PRELID2: variants seen among roughly 807,000 people sequenced by gnomAD.
PRELID2 encodes PRELI domain-containing protein 2.
PRELID2 carries 25 observed loss-of-function variants against 28.4 expected under a neutral mutation model. That is an observed-to-expected ratio of 0.88 (90% CI 0.64 to 1.23). PRELID2 has a LOEUF of 1.23. PRELID2 is among the 50% of genes most tolerant of loss of function. The pLI, the probability that PRELID2 is intolerant of heterozygous loss-of-function variation, is 0.00. For missense variants in PRELID2, 201 were observed against 214.4 expected, an observed-to-expected ratio of 0.94 and a Z score of 0.39; for synonymous variants, 76 against 71.6, an observed-to-expected ratio of 1.06 and a Z score of -0.31.
chr5:145,733,376 G>A (rs191379413), intron 1 of PRELID2, among the ~76,000 whole-genome samples: 361 of 152,232 alleles, frequency 2.4e-3, no homozygotes, highest in Admixed American at 7.2e-3. Context: ...GATGTGGGTT[G>A]GATTAAATAA....
intron 1 of PRELID2, among the ~76,000 whole-genome samples, chr5:145,580,719 G>A (rs1052706214): frequency 1.4e-4 from 22 of 152,002 alleles, no homozygotes; most frequent in African/African-American, 4.6e-4. Flanking sequence ...TGAATATCCT[G>A]AGAACCCAGG....
intron 1 of PRELID2, among the ~76,000 whole-genome samples, chr5:145,522,828 A>G (rs13168816): frequency 6.6e-6 from 1 of 151,740 alleles, no homozygotes; most frequent in African/African-American, 2.4e-5. Context: ...GGAGTAGGAG[A>G]AGAAGAAGGA....
At chr5:145,775,915 G>C (rs1004518801) in intron 5 of PRELID2, among the ~76,000 whole-genome samples, 1 of 151,708 alleles carries the variant, frequency 6.6e-6, no homozygotes, top group East Asian at 1.9e-4. Context: ...AAATTAAAAA[G>C]AGTAATCAGA....
At chr5:145,631,872 A>C (rs1050858106) in intron 1 of PRELID2, among the ~76,000 whole-genome samples, 2 of 152,198 alleles carry the variant, frequency 1.3e-5, no homozygotes, top group African/African-American at 4.8e-5. Context: ...TTTCCTCTAA[A>C]ATACATAAGA....
intron 5 of PRELID2, 29 bp from the exon 6 acceptor site, chr5:145,765,029 T>A (rs1226135524): frequency 1.3e-6 from 2 of 1,489,900 alleles, no homozygotes; most frequent in Non-Finnish European, 1.8e-6. Context: ...AAAATTAAAA[T>A]GCCCTATTTC....
chr5:145,456,320 C>T, the PRELID2 span, among the ~76,000 whole-genome samples: 12 of 152,308 alleles, frequency 7.9e-5, no homozygotes, highest in African/African-American at 2.4e-4. Flanking sequence ...AAGATGACCA[C>T]TGGTCTGCAG....
chr5:145,652,233 C>T (rs193184883), intron 1 of PRELID2, among the ~76,000 whole-genome samples: 3 of 152,274 alleles, frequency 2.0e-5, no homozygotes, highest in Admixed American at 2.0e-4. Context: ...AACAAAGCCT[C>T]CAAGAAATAT....
chr5:145,351,502 T>G, the PRELID2 span, among the ~76,000 whole-genome samples: 1 of 152,262 alleles, frequency 6.6e-6, no homozygotes, highest in South Asian at 2.1e-4. Flanking sequence ...TACCTCCCAC[T>G]GGGTCCCTCC....
intron 3 of PRELID2, chr5:145,819,720 T>C (rs1356582975): frequency 1.9e-5 from 11 of 584,764 alleles, no homozygotes; most frequent in Non-Finnish European, 3.0e-5. Flanking sequence ...ACAATATCTC[T>C]ATGTCCATTA....
intron 1 of PRELID2, among the ~76,000 whole-genome samples, chr5:145,631,970 T>C (rs1561525839): frequency 6.6e-6 from 1 of 152,194 alleles, no homozygotes; most frequent in East Asian, 1.9e-4. Context: ...AATCTGGCTC[T>C]AAATATTTTC....
the PRELID2 span, among the ~76,000 whole-genome samples, chr5:145,232,067 AC>A: frequency 6.6e-6 from 1 of 151,998 alleles, no homozygotes; most frequent in Non-Finnish European, 1.5e-5. Context: ...ACACATTGAA[AC>A]TTTTAGGACA....
chr5:145,765,888 T>C (rs904437079), intron 5 of PRELID2, among the ~76,000 whole-genome samples: 1 of 152,024 alleles, frequency 6.6e-6, no homozygotes, highest in Non-Finnish European at 1.5e-5. Flanking sequence ...TTAAATAATT[T>C]CCCCGAAGTT....
chr5:145,448,631 T>A, the PRELID2 span, among the ~76,000 whole-genome samples: 15 of 152,278 alleles, frequency 9.9e-5, no homozygotes, highest in African/African-American at 3.6e-4. Flanking sequence ...CAAGAAGAGC[T>A]AACTATCTTA....
the PRELID2 span, among the ~76,000 whole-genome samples, chr5:145,288,723 T>C: frequency 6.6e-6 from 1 of 152,084 alleles, no homozygotes; most frequent in Non-Finnish European, 1.5e-5. Context: ...AAGTATAAAA[T>C]ATTCATGTGC....
chr5:145,243,314 A>C, the PRELID2 span, among the ~76,000 whole-genome samples: 1 of 152,056 alleles, frequency 6.6e-6, no homozygotes, highest in African/African-American at 2.4e-5. Context: ...AACAGATTTC[A>C]CCCCAGAAGA....
At position 145,648,920 on chromosome 5, in the gene PRELID2, T is replaced by C. The variant is rs571347332; in HGVS notation, n.70+116011A>G. ...TTAACAATGGTTCAATTTCTGATTT[T>C]TCCACTTTATGATGCTGTGAGAGTG... is the stretch of plus-strand genomic sequence containing the variant. On this transcript the variant is annotated intron_variant and non_coding_transcript_variant, in intron 1 of 2. Transcript: ENST00000510259. Among the ~76,000 whole-genome samples, 5 of 152,132 alleles carry C rather than the reference T, an allele frequency of 3.3e-5. No individual in the cohort carries two copies. In the South Asian group the frequency reaches 1.0e-3, roughly 31 times the overall value.
chr5:145,765,552 T>A (rs1041103365), intron 5 of PRELID2, among the ~76,000 whole-genome samples: 1 of 152,144 alleles, frequency 6.6e-6, no homozygotes, highest in Non-Finnish European at 1.5e-5. Context: ...GCATACATCA[T>A]TGGATGACTG....
At chr5:145,306,068 C>T in the PRELID2 span, among the ~76,000 whole-genome samples, 1 of 152,158 alleles carries the variant, frequency 6.6e-6, no homozygotes, top group Non-Finnish European at 1.5e-5. Flanking sequence ...TTATGAAGTA[C>T]TGAGTCTCCA....
the PRELID2 span, among the ~76,000 whole-genome samples, chr5:145,376,129 CT>C: frequency 1.3e-5 from 2 of 152,100 alleles, no homozygotes; most frequent in Admixed American, 1.3e-4. Flanking sequence ...TATCAGAAGC[CT>C]TTTCTGCATG....
Sources: gnomAD v4.1 joint callset for allele counts (sites outside exome capture counted in the v4.1 genomes callset) on GRCh38, gnomAD v4.1.1 for gene constraint, MANE v1.5 for transcripts, NCBI Gene and HGNC (gene_info 2026-07-23, HGNC 2026-07-21) for gene names.